Variants in MSI2 observed in about 807,000 individuals in gnomAD.
MSI2 encodes the protein musashi RNA binding protein 2.
A neutral mutation model predicts 45.6 loss-of-function variants in MSI2; 17 were observed. The observed-to-expected ratio is 0.37, with a 90% CI of 0.26 to 0.56. The LOEUF is 0.56. Ranked by LOEUF, MSI2 falls within the 20% of genes least tolerant of loss-of-function variation. The probability of loss-of-function intolerance (pLI) is 0.77; values close to 1 mark genes in which losing one functional copy is unlikely to be tolerated. For synonymous variants in MSI2, 156 were observed against 158.2 expected (o/e 0.99, Z 0.11); for missense variants, 293 against 444.2 (o/e 0.66, Z 3.06).
chr17:57,258,165 G>T, intron 3 of MSI2, 105 bp from the exon 4 acceptor site: 1 of 919,330 alleles, frequency 1.1e-6, no homozygotes, highest in South Asian at 1.4e-5. Context: ...GGGGGTGCGT[G>T]GGGGGCAACT....
chr17:57,343,751 C>T (rs1040299224), intron 5 of MSI2, among the ~76,000 whole-genome samples: 5 of 152,102 alleles, frequency 3.3e-5, no homozygotes, highest in East Asian at 3.8e-4. Context: ...ATGACTCTTT[C>T]GTCTGCTTTA....
At chr17:57,612,818 G>A (rs1007987619) in intron 8 of MSI2, among the ~76,000 whole-genome samples, 1 of 152,242 alleles carries the variant, frequency 6.6e-6, no homozygotes, top group Non-Finnish European at 1.5e-5. Context: ...AGACAATGCA[G>A]TAGATTGTCA....
chr17:57,405,705 AT>A (rs1236759682), intron 6 of MSI2, among the ~76,000 whole-genome samples: 2 of 152,254 alleles, frequency 1.3e-5, no homozygotes, highest in Non-Finnish European at 1.5e-5. Context: ...CTGTTATAGT[AT>A]TTCCATCTCC....
At chr17:57,638,515 C>A (rs1188683572) in intron 10 of MSI2, among the ~76,000 whole-genome samples, 3 of 152,182 alleles carry the variant, frequency 2.0e-5, no homozygotes, top group Non-Finnish European at 4.4e-5. Context: ...GTTGACTCTG[C>A]TGGACAGCCT....
chr17:57,443,680 C>G (rs1382768880), intron 6 of MSI2, among the ~76,000 whole-genome samples: 1 of 152,098 alleles, frequency 6.6e-6, no homozygotes, highest in African/African-American at 2.4e-5. Context: ...TTGCTCTGCC[C>G]GTGTGAGACA....
chr17:57,433,100 C>T (rs539377276), intron 6 of MSI2, among the ~76,000 whole-genome samples: 12 of 152,284 alleles, frequency 7.9e-5, no homozygotes, highest in African/African-American at 2.9e-4. Flanking sequence ...GTGCTGCCAC[C>T]TCCCTTTCGA....
chr17:57,457,237 T>G (rs2085133116), intron 6 of MSI2, among the ~76,000 whole-genome samples: 1 of 152,196 alleles, frequency 6.6e-6, no homozygotes, highest in Non-Finnish European at 1.5e-5. Flanking sequence ...TTTCACCAAA[T>G]TCCCCATTTC....
At chr17:57,696,948 A>G in the MSI2 span, among the ~76,000 whole-genome samples, 1 of 152,086 alleles carries the variant, frequency 6.6e-6, no homozygotes, top group African/African-American at 2.4e-5. Flanking sequence ...ATACATCAGC[A>G]ACTTAATACA....
intron 7 of MSI2, among the ~76,000 whole-genome samples, chr17:57,538,756 G>T (rs533566165): frequency 1.3e-4 from 20 of 152,292 alleles, no homozygotes; most frequent in African/African-American, 4.8e-4. Context: ...ACATATGCTT[G>T]CATGTGCATG....
intron 6 of MSI2, among the ~76,000 whole-genome samples, chr17:57,480,914 C>T (rs2085635814): frequency 6.6e-6 from 1 of 152,174 alleles, no homozygotes. Context: ...AGAACTTCTT[C>T]CTTAGTGGCA....
chr17:57,574,804 A>G (rs954826445), intron 7 of MSI2, among the ~76,000 whole-genome samples: 1 of 151,002 alleles, frequency 6.6e-6, no homozygotes, highest in Admixed American at 6.6e-5. Context: ...CTTCAAAGAC[A>G]CAAATTCTGC....
chr17:57,398,034 GTGTAGA>G (rs2083921047), intron 5 of MSI2, among the ~76,000 whole-genome samples: 2 of 152,272 alleles, frequency 1.3e-5, no homozygotes, highest in Admixed American at 1.3e-4. Flanking sequence ...TTTGGGGACT[GTGTAGA>G]TTTATAGCTG....
intron 7 of MSI2, among the ~76,000 whole-genome samples, chr17:57,582,474 G>T (rs1339463363): frequency 6.6e-6 from 1 of 151,812 alleles, no homozygotes; most frequent in African/African-American, 2.4e-5. Context: ...TGAATATGCT[G>T]GTTTTAAAAA....
chr17:57,518,368 A>G (rs751343859), intron 6 of MSI2, among the ~76,000 whole-genome samples: 1 of 151,882 alleles, frequency 6.6e-6, no homozygotes, highest in South Asian at 2.1e-4. Flanking sequence ...GCTTGTCACC[A>G]TCCGAGACTG....
intron 5 of MSI2, among the ~76,000 whole-genome samples, chr17:57,366,697 ATTTG>A (rs922243145): frequency 2.0e-5 from 3 of 152,170 alleles, no homozygotes; most frequent in African/African-American, 7.2e-5. Context: ...ATATTTACTT[ATTTG>A]TTTGTTTATT....
intron 7 of MSI2, among the ~76,000 whole-genome samples, chr17:57,560,327 A>C (rs1453224955): frequency 6.6e-6 from 1 of 152,066 alleles, no homozygotes; most frequent in African/African-American, 2.4e-5. Flanking sequence ...CCCTCCACTG[A>C]AACTCCTGGG....
At chr17:57,659,512 T>C (rs1007311707) in intron 11 of MSI2, among the ~76,000 whole-genome samples, 3 of 152,168 alleles carry the variant, frequency 2.0e-5, no homozygotes, top group African/African-American at 7.2e-5. Flanking sequence ...TTTTGTTTTG[T>C]TTTTGTGAGA....
rs143855180 is a variant in MSI2 at position 57,304,176 on chromosome 17, G to A, written c.312+41984G>A. 1.7e-4 allele frequency among the ~76,000 whole-genome samples: 26 copies of A among 152,134 alleles called. 1 individual carries two copies. The East Asian group carries it at 4.7e-3, about 27-fold the overall frequency. On this transcript the variant is annotated intron_variant, in intron 5 of 13. Transcript: ENST00000284073. ...GATTGAGACCATCCTGGCCAACATG[G>A]TGAAATGCTATCTCTACTAAAAATA...
At position 57,627,148 on chromosome 17, in the gene MSI2, A is replaced by C; in HGVS notation, c.653-81A>C. 7.9e-7 allele frequency: 1 copy of C among 1,259,464 alleles called. No individual in the cohort carries two copies. Among genetic ancestry groups the C allele is most frequent in the Non-Finnish European group, 1.2e-6 (1 of 858,420 alleles). The allele number at this position is 1,259,464 out of a possible 1,614,324, so 78.0% of individuals were successfully genotyped here. On this transcript the variant is annotated intron_variant, in intron 9 of 13. Transcript: ENST00000284073. The surrounding 1 kb of genome is among the most constrained non-coding windows in gnomAD (Gnocchi z 4.6). ...AAGGAAAATAACTCAGGCTTTCCTC[A>C]TTGCCACCCTCCGTGAGATTTTACC...
Sources: allele counts gnomAD v4.1 joint callset (sites outside exome capture counted in the v4.1 genomes callset), GRCh38; gene constraint gnomAD v4.1.1; non-coding constraint Gnocchi (gnomAD v3.1); transcripts MANE v1.5; gene names NCBI Gene and HGNC (gene_info 2026-07-23, HGNC 2026-07-21).